NKAIN2: variants seen among roughly 807,000 people sequenced by gnomAD.
NKAIN2 encodes sodium/potassium transporting ATPase interacting 2.
Under a neutral mutation model 32.6 loss-of-function variants are expected in NKAIN2, and 14 were observed. The ratio of observed to expected loss-of-function variants is 0.43; its 90% CI spans 0.28 to 0.67. The LOEUF (loss-of-function observed/expected upper bound fraction) is 0.67, where lower values mean the gene tolerates loss of function less well. Among genes scored for constraint, NKAIN2 ranks in the 30% least tolerant of loss-of-function variants. NKAIN2 has a pLI of 0.17. For missense variants in NKAIN2, 198 were observed against 258.3 expected (o/e 0.77, Z 1.60); for synonymous variants, 80 against 87.2 (o/e 0.92, Z 0.46).
chr6:124,467,131 G>T (rs490756), intron 3 of NKAIN2, among the ~76,000 whole-genome samples: 117,192 of 151,856 alleles, frequency 0.77, 45,327 homozygotes, highest in African/African-American at 0.8. Context: ...TATTTTGCTA[G>T]GTTTGGTTAT....
intron 4 of NKAIN2, among the ~76,000 whole-genome samples, chr6:124,752,075 G>T (rs563257815): frequency 4.6e-5 from 7 of 152,074 alleles, no homozygotes; most frequent in South Asian, 2.1e-4. Context: ...AAGTATTACT[G>T]CTTTAGAAAA....
At chr6:124,727,508 G>A (rs956768408) in intron 4 of NKAIN2, among the ~76,000 whole-genome samples, 11 of 151,200 alleles carry the variant, frequency 7.3e-5, no homozygotes, top group African/African-American at 1.2e-4. Flanking sequence ...AGCAAATGCT[G>A]AGAGATTTTG....
intron 1 of NKAIN2, among the ~76,000 whole-genome samples, chr6:124,201,830 T>A (rs995478969): frequency 6.6e-6 from 1 of 152,056 alleles, no homozygotes; most frequent in African/African-American, 2.4e-5. Context: ...CACTTTGGAA[T>A]TAAAAGTGTA....
chr6:124,075,237 G>C (rs1041393658), intron 1 of NKAIN2, among the ~76,000 whole-genome samples: 2 of 152,160 alleles, frequency 1.3e-5, no homozygotes, highest in Non-Finnish European at 2.9e-5. Context: ...AACAGTCAAA[G>C]AGGAGTTATG....
intron 1 of NKAIN2, among the ~76,000 whole-genome samples, chr6:123,882,977 G>T (rs1773519187): frequency 6.6e-6 from 1 of 152,080 alleles, no homozygotes; most frequent in Admixed American, 6.6e-5. Context: ...GTGTGTGTGT[G>T]TGTGTACGTA....
chr6:124,578,151 C>T (rs993934521), intron 3 of NKAIN2, among the ~76,000 whole-genome samples: 1 of 151,854 alleles, frequency 6.6e-6, no homozygotes, highest in African/African-American at 2.4e-5. Flanking sequence ...ATAGTGGCTA[C>T]AGGGAGAGCA....
At chr6:123,993,260 T>A (rs1779488197) in intron 1 of NKAIN2, among the ~76,000 whole-genome samples, 1 of 152,168 alleles carries the variant, frequency 6.6e-6, no homozygotes, top group South Asian at 2.1e-4. Context: ...ATTCATTTCA[T>A]TATAATTAGT....
intron 2 of NKAIN2, among the ~76,000 whole-genome samples, chr6:124,283,984 T>G (rs183671890): frequency 1.3e-5 from 2 of 152,294 alleles, no homozygotes. Context: ...TTCTCATGTT[T>G]TATGAAAGCG....
At chr6:124,439,106 A>G (rs897705018) in intron 3 of NKAIN2, among the ~76,000 whole-genome samples, 1 of 152,164 alleles carries the variant, frequency 6.6e-6, no homozygotes. Flanking sequence ...AGCTCTTCTC[A>G]ATAGCTAATG....
intron 1 of NKAIN2, among the ~76,000 whole-genome samples, chr6:124,234,814 C>A (rs1321130535): frequency 6.6e-6 from 1 of 152,100 alleles, no homozygotes; most frequent in South Asian, 2.1e-4. Context: ...AAAGTTGTAT[C>A]GATACTTTGT....
At chr6:123,955,289 T>C (rs774874749) in intron 1 of NKAIN2, among the ~76,000 whole-genome samples, 61 of 151,830 alleles carry the variant, frequency 4.0e-4, no homozygotes, top group Non-Finnish European at 7.9e-4. Flanking sequence ...TAGGAATTAT[T>C]GAGAACTGTT....
At chr6:124,412,538 T>G (rs1289390583) in intron 3 of NKAIN2, among the ~76,000 whole-genome samples, 1 of 152,156 alleles carries the variant, frequency 6.6e-6, no homozygotes, top group Non-Finnish European at 1.5e-5. Context: ...TCTGGAAGTT[T>G]TGTCTCAGAG....
chr6:124,620,492 A>G (rs1783066913), intron 3 of NKAIN2, among the ~76,000 whole-genome samples: 1 of 152,194 alleles, frequency 6.6e-6, no homozygotes, highest in African/African-American at 2.4e-5. Flanking sequence ...ACCATATGCT[A>G]ACTTCAAATT....
intron 1 of NKAIN2, among the ~76,000 whole-genome samples, chr6:123,909,172 T>C (rs150552685): frequency 6.6e-5 from 10 of 152,288 alleles, no homozygotes; most frequent in African/African-American, 2.4e-4. Context: ...CTTCTTCACT[T>C]ACCACCTGTA....
intron 1 of NKAIN2, among the ~76,000 whole-genome samples, chr6:124,061,874 TA>T (rs1194627489): frequency 1.3e-5 from 2 of 152,124 alleles, no homozygotes; most frequent in Admixed American, 1.3e-4. Flanking sequence ...CCTTGCCCTT[TA>T]AAAAATGTTC....
At chr6:124,419,480 A>G (rs140144614) in intron 3 of NKAIN2, among the ~76,000 whole-genome samples, 90 of 152,288 alleles carry the variant, frequency 5.9e-4, no homozygotes, top group African/African-American at 2.1e-3. Context: ...CTGCTAGGGA[A>G]TAGGAACATT....
intron 1 of NKAIN2, among the ~76,000 whole-genome samples, chr6:123,833,426 T>C (rs1774468305): frequency 1.3e-5 from 2 of 152,182 alleles, no homozygotes; most frequent in African/African-American, 2.4e-5. Context: ...TGCCTTTCCA[T>C]ATAAGCTTTA....
chr6:124,690,213 G>T (rs1774191666), intron 4 of NKAIN2, among the ~76,000 whole-genome samples: 1 of 152,072 alleles, frequency 6.6e-6, no homozygotes, highest in Non-Finnish European at 1.5e-5. Flanking sequence ...GTGCCAATGT[G>T]AATACTATTG....
chr6:124,359,528 G>A (rs1037600152), intron 3 of NKAIN2, among the ~76,000 whole-genome samples: 94 of 152,196 alleles, frequency 6.2e-4, no homozygotes, highest in South Asian at 1.2e-3. Context: ...TATTCTCTTT[G>A]AAGCAATTGT....
Sources: gnomAD v4.1 joint callset for allele counts (sites outside exome capture counted in the v4.1 genomes callset) on GRCh38, gnomAD v4.1.1 for gene constraint, MANE v1.5 for transcripts, NCBI Gene and HGNC (gene_info 2026-07-23, HGNC 2026-07-21) for gene names.